ANK1: variants seen among roughly 807,000 people sequenced by gnomAD.
ANK1 encodes the protein ankyrin 1, also known as ankyrin-1.
A neutral mutation model predicts 210.4 loss-of-function variants in ANK1; 51 were observed. The observed-to-expected ratio is 0.24, with a 90% CI of 0.19 to 0.31. ANK1 has a LOEUF of 0.31. ANK1 is among the 10% of genes least tolerant of loss of function. The probability of loss-of-function intolerance (pLI) is 1.00; values close to 1 mark genes in which losing one functional copy is unlikely to be tolerated. For missense variants in ANK1, 2,051 were observed against 2,504.4 expected, an observed-to-expected ratio of 0.82 and a Z score of 3.86; for synonymous variants, 967 against 1,025.9, an observed-to-expected ratio of 0.94 and a Z score of 1.10.
intron 24 of ANK1, chr8:41,697,627 G>A (rs907151100): frequency 5.3e-5 from 18 of 341,480 alleles, no homozygotes; most frequent in Non-Finnish European, 9.8e-5. Flanking sequence ...TTTCTGGTTG[G>A]GCCCCGGCTC....
intron 33 of ANK1, among the ~76,000 whole-genome samples, chr8:41,689,444 A>G (rs1276921080): frequency 1.3e-5 from 2 of 152,118 alleles, no homozygotes; most frequent in East Asian, 3.9e-4. Context: ...TCCTCTTTTG[A>G]AAAAGAAGTT....
At chr8:41,708,703 C>T (rs1563511033) in intron 17 of ANK1, 75 bp downstream of exon 17, 1 of 1,539,730 alleles carries the variant, frequency 6.5e-7, no homozygotes, top group Non-Finnish European at 8.9e-7. Flanking sequence ...CCTGGGCACA[C>T]ATAGATGCTC....
intron 33 of ANK1, among the ~76,000 whole-genome samples, chr8:41,689,868 A>G (rs7831590): frequency 0.17 from 25,920 of 151,884 alleles, 4,893 homozygotes; most frequent in African/African-American, 0.47. Context: ...TGTGAACCTC[A>G]GAGGCCTCGG....
intron 1 of ANK1, among the ~76,000 whole-genome samples, chr8:41,862,970 C>G (rs1813580514): frequency 6.6e-6 from 1 of 152,082 alleles, no homozygotes; most frequent in Non-Finnish European, 1.5e-5. Context: ...CATGATCGCA[C>G]CACTGCACTC....
chr8:41,722,983 T>C, intron 9 of ANK1, 142 bp downstream of exon 9: 9 of 805,192 alleles, frequency 1.1e-5, no homozygotes, highest in East Asian at 2.6e-5. Context: ...TCCTACGTGA[T>C]AGGCCTTGTA....
At chr8:41,679,558 C>CTATTT (rs1815271149) in intron 37 of ANK1, among the ~76,000 whole-genome samples, 1 of 90,242 alleles carries the variant, frequency 1.1e-5, no homozygotes, top group Non-Finnish European at 2.0e-5. Flanking sequence ...CCTGGACTTT[C>CTATTT]TTTTTTTTTT....
At chr8:41,889,415 T>C (rs1374901361) in intron 1 of ANK1, among the ~76,000 whole-genome samples, 1 of 152,200 alleles carries the variant, frequency 6.6e-6, no homozygotes, top group African/African-American at 2.4e-5. Context: ...TTTTTGCAAA[T>C]ATCATTGTCA....
intron 1 of ANK1, among the ~76,000 whole-genome samples, chr8:41,816,920 T>G (rs1296070797): frequency 6.6e-6 from 1 of 152,172 alleles, no homozygotes; most frequent in Non-Finnish European, 1.5e-5. Flanking sequence ...TACATAACCA[T>G]ATAGATAGAA....
intron 4 of ANK1, 111 bp downstream of exon 4, chr8:41,727,797 C>T (rs771806273): frequency 2.1e-4 from 210 of 1,006,618 alleles, no homozygotes; most frequent in Non-Finnish European, 3.0e-4. Flanking sequence ...AGGCCCTGCC[C>T]CACAGTAGTG....
chr8:41,872,466 G>T (rs184062818), intron 1 of ANK1, among the ~76,000 whole-genome samples: 2 of 152,340 alleles, frequency 1.3e-5, no homozygotes, highest in African/African-American at 4.8e-5. Context: ...GGAAGCCGGG[G>T]TTCGAATCTA....
At chr8:41,745,740 C>G (rs192453119) in intron 2 of ANK1, among the ~76,000 whole-genome samples, 4 of 152,120 alleles carry the variant, frequency 2.6e-5, no homozygotes, top group Non-Finnish European at 4.4e-5. Flanking sequence ...GCTATGTTGC[C>G]CAGGCTGGAG....
intron 2 of ANK1, among the ~76,000 whole-genome samples, chr8:41,751,067 T>C (rs774260967): frequency 2.0e-5 from 3 of 152,226 alleles, no homozygotes; most frequent in Non-Finnish European, 4.4e-5. Context: ...CCGGCACTGC[T>C]CTTTTCTGGT....
intron 36 of ANK1, among the ~76,000 whole-genome samples, chr8:41,685,050 T>C (rs566328501): frequency 6.6e-6 from 1 of 152,282 alleles, no homozygotes; most frequent in Admixed American, 6.5e-5. Flanking sequence ...TTCCTCAGCC[T>C]CCCGAGTAGC....
intron 1 of ANK1, among the ~76,000 whole-genome samples, chr8:41,796,877 C>A (rs1291037562): frequency 6.6e-6 from 1 of 152,042 alleles, no homozygotes; most frequent in Non-Finnish European, 1.5e-5. Flanking sequence ...GCTGGAGTGG[C>A]CTTGCTAACG....
rs76115903 is a variant in ANK1 at position 41,820,036 on chromosome 8, G to T, written c.127-61899C>A. ...ATGACACATGACACAAAAGACACAGGCAGGAAAACAATGACCATCTCTGGG... is the reference window on the plus strand; with the variant it reads ...ATGACACATGACACAAAAGACACAGTCAGGAAAACAATGACCATCTCTGGG... On this transcript the variant is annotated intron_variant, in intron 1 of 42. Coordinates refer to the ANK1 transcript ENST00000265709. Among the ~76,000 whole-genome samples, 164 of 152,254 alleles carry T rather than the reference G, an allele frequency of 1.1e-3. 2 individuals are homozygous for T. The East Asian group carries it at 0.029, about 27-fold the overall frequency.
chr8:41,661,298 G>A, intron 42 of ANK1, 132 bp downstream of exon 42: 3 of 1,358,560 alleles, frequency 2.2e-6, no homozygotes, highest in Non-Finnish European at 2.0e-6. Flanking sequence ...GAGAATCTCT[G>A]CCTCGAGACA....
intron 39 of ANK1, chr8:41,664,210 G>A (rs777421296): frequency 3.1e-5 from 14 of 456,590 alleles, no homozygotes; most frequent in Admixed American, 1.6e-4. Context: ...GGTGGCTCAC[G>A]CCTGCTATCC....
chr8:41,700,336 T>C (rs1822392727), intron 22 of ANK1: 6 of 1,348,332 alleles, frequency 4.4e-6, no homozygotes, highest in Admixed American at 1.8e-5. Flanking sequence ...CAGAGGAAGA[T>C]GGAAAGCAGG....
At chr8:41,685,461 T>C (rs1477115609) in intron 36 of ANK1, among the ~76,000 whole-genome samples, 1 of 152,174 alleles carries the variant, frequency 6.6e-6, no homozygotes, top group Non-Finnish European at 1.5e-5. Context: ...CAAAGCTCCC[T>C]CCAGGTTGGA....
Sources: allele counts gnomAD v4.1 joint callset (sites outside exome capture counted in the v4.1 genomes callset), GRCh38; gene constraint gnomAD v4.1.1; transcripts MANE v1.5; gene names NCBI Gene and HGNC (gene_info 2026-07-23, HGNC 2026-07-21).